The following CALB2 variants were observed in gnomAD, a reference collection of about 807,000 sequenced individuals.
The protein encoded by CALB2 is calretinin.
Under a neutral mutation model 45.9 loss-of-function variants are expected in CALB2, and 34 were observed. That is an observed-to-expected ratio of 0.74 (90% CI 0.56 to 0.99). The LOEUF is 0.99. Ranked by LOEUF, CALB2 falls within the 50% of genes least tolerant of loss-of-function variation. The pLI is 0.00. For missense variants in CALB2, 344 were observed against 339.3 expected, an observed-to-expected ratio of 1.01 and a Z score of -0.11; for synonymous variants, 142 against 129.6, an observed-to-expected ratio of 1.10 and a Z score of -0.65.
At chr16:71,385,061 G>C in intron 9 of CALB2, among the ~76,000 whole-genome samples, 1 of 152,144 alleles carries the variant, frequency 6.6e-6, no homozygotes, top group South Asian at 2.1e-4. Context: ...AGAATCGTTG[G>C]GGGAGGACTA....
chr16:71,369,947 TGTCCCTCACTCCCCTACTTTAGCCG>T (rs2042328716), intron 1 of CALB2, among the ~76,000 whole-genome samples: 2 of 152,192 alleles, frequency 1.3e-5, no homozygotes, highest in South Asian at 4.1e-4. Flanking sequence ...CCCATCTCCC[TGTCCCTCACTCCCCTACTTTAGCCG>T]GCCTCACAGG....
intron 3 of CALB2, among the ~76,000 whole-genome samples, chr16:71,375,628 C>T (rs974162122): frequency 3.3e-5 from 5 of 152,174 alleles, no homozygotes; most frequent in African/African-American, 1.2e-4. Flanking sequence ...TGGGATGCTG[C>T]CTTAGGTTGG....
chr16:71,366,343 TTGA>T lies in CALB2; in HGVS notation c.95-5809_95-5807del, dbSNP rs773300118. On this transcript the variant is annotated intron_variant, in intron 1 of 10. Coordinates refer to ENST00000302628, the MANE Select transcript of CALB2 (RefSeq NM_001740.5). Reference sequence around the variant, plus strand: ...CCTGGCCTTTTTTTTTTTTTTTTTTTTGAGAGAGAGAGAGTCTCGCCTTGTCAC... The same window carrying T: ...CCTGGCCTTTTTTTTTTTTTTTTTTTGAGAGAGAGAGTCTCGCCTTGTCAC... 3.0e-3 allele frequency among the ~76,000 whole-genome samples: 145 copies of T among 49,014 alleles called. 1 individual carries two copies. The highest frequency in any genetic ancestry group is 0.017 in the African/African-American group (139 of 8,364). 32.2% of individuals were successfully genotyped at this position (49,014 alleles called of 152,430 possible).
At chr16:71,379,445 G>C (rs954991170) in intron 4 of CALB2, among the ~76,000 whole-genome samples, 2 of 151,996 alleles carry the variant, frequency 1.3e-5, no homozygotes, top group Admixed American at 6.6e-5. Context: ...GATATTTAAC[G>C]ATTTTTTACT....
intron 10 of CALB2, among the ~76,000 whole-genome samples, chr16:71,388,275 A>C (rs2042592341): frequency 6.7e-6 from 1 of 149,514 alleles, no homozygotes; most frequent in South Asian, 2.1e-4. Flanking sequence ...TCAAGGGTGC[A>C]GTGAGCTGTG....
At chr16:71,366,823 T>G (rs764680840) in intron 1 of CALB2, among the ~76,000 whole-genome samples, 5 of 152,210 alleles carry the variant, frequency 3.3e-5, no homozygotes, top group African/African-American at 4.8e-5. Context: ...GCTCTCACCA[T>G]AACTCTGTAA....
At chr16:71,380,240 G>C (rs1250049813) in intron 4 of CALB2, among the ~76,000 whole-genome samples, 1 of 144,686 alleles carries the variant, frequency 6.9e-6, no homozygotes, top group East Asian at 2.1e-4. Flanking sequence ...GCTTCTCTCT[G>C]TGCAGCTGAC....
Position 71,358,799 on chromosome 16 carries a change from G to A in CALB2, c.7G>A (p.Gly3Ser), listed in dbSNP as rs1246339639. Residue 3 changes from glycine to serine, a missense_variant, in exon 1 of 11, where the codon GGC (glycine) becomes AGC (serine). By Grantham distance (56) the Gly-to-Ser change is moderately conservative (BLOSUM62 0). Around this residue, in one of 3 missense-constraint regions of CALB2, gnomAD observed 77 missense variants for 80.5 expected, o/e 0.96. Transcript: ENST00000302628. Reference sequence around the variant, plus strand: ...GGTCTCCGAGCGGCTCGCCATGGCTGGCCCGCAGCAGCAGCCCCCTTACCT... The same window carrying A: ...GGTCTCCGAGCGGCTCGCCATGGCTAGCCCGCAGCAGCAGCCCCCTTACCT... MA[G>S]PQQQPPYLHL... 2 of 1,605,718 alleles carry A rather than the reference G, an allele frequency of 1.2e-6. No individual in the cohort carries two copies. The highest frequency in any genetic ancestry group is 3.4e-5 in the Admixed American group (2 of 59,236).
At chr16:71,375,317 T>C (rs971486881) in intron 3 of CALB2, among the ~76,000 whole-genome samples, 19 of 152,200 alleles carry the variant, frequency 1.2e-4, no homozygotes, top group Non-Finnish European at 2.9e-5. Context: ...CATTCATATA[T>C]GCACACGTAT....
chr16:71,377,828 C>A, intron 4 of CALB2, 81 bp downstream of exon 4: 1 of 976,706 alleles, frequency 1.0e-6, no homozygotes, highest in Non-Finnish European at 1.6e-6. Flanking sequence ...ACCCTCCTGC[C>A]TGGTAATGGT....
chr16:71,361,621 C>T (rs1476004961), intron 1 of CALB2, among the ~76,000 whole-genome samples: 1 of 152,182 alleles, frequency 6.6e-6, no homozygotes, highest in African/African-American at 2.4e-5. Context: ...GCCACCTCCC[C>T]ACCCCTTCTG....
chr16:71,372,596 G>A (rs1414749291), intron 2 of CALB2, among the ~76,000 whole-genome samples: 5 of 152,186 alleles, frequency 3.3e-5, no homozygotes, highest in African/African-American at 1.2e-4. Flanking sequence ...TGCCCAGGAG[G>A]TTTCAAGTGC....
At chr16:71,380,019 G>T (rs536432548) in intron 4 of CALB2, among the ~76,000 whole-genome samples, 1 of 152,002 alleles carries the variant, frequency 6.6e-6, no homozygotes, top group Non-Finnish European at 1.5e-5. Context: ...AACTTGTCAG[G>T]GTGTTGCTTT....
chr16:71,379,070 A>C (rs1196247868), intron 4 of CALB2, among the ~76,000 whole-genome samples: 1 of 152,102 alleles, frequency 6.6e-6, no homozygotes, highest in Non-Finnish European at 1.5e-5. Context: ...TGAGATCAGG[A>C]GTTTGAGGCC....
At chr16:71,359,905 C>G (rs2042221145) in intron 1 of CALB2, among the ~76,000 whole-genome samples, 1 of 152,252 alleles carries the variant, frequency 6.6e-6, no homozygotes, top group South Asian at 2.1e-4. Flanking sequence ...CCTCGGGTAG[C>G]TAATGGCTCC....
chr16:71,386,569 C>A (rs1598177680), intron 10 of CALB2, among the ~76,000 whole-genome samples: 1 of 152,320 alleles, frequency 6.6e-6, no homozygotes, highest in Middle Eastern at 3.4e-3. Flanking sequence ...CCCATGGGCT[C>A]AGTTTGGTGC....
intron 1 of CALB2, among the ~76,000 whole-genome samples, chr16:71,364,031 CT>C (rs2042258347): frequency 6.6e-6 from 1 of 152,182 alleles, no homozygotes; most frequent in African/African-American, 2.4e-5. Flanking sequence ...TCCCCCACCC[CT>C]GCCTCTGCTC....
At chr16:71,389,660 G>T (rs555244227) in intron 10 of CALB2, 89 bp from the exon 11 acceptor site, 8 of 865,952 alleles carry the variant, frequency 9.2e-6, no homozygotes, top group Non-Finnish European at 1.4e-5. Context: ...AGAAAGGTGT[G>T]GGTGTTTGTG....
intron 1 of CALB2, among the ~76,000 whole-genome samples, chr16:71,362,274 C>T (rs1216283385): frequency 6.6e-6 from 1 of 152,184 alleles, no homozygotes; most frequent in Non-Finnish European, 1.5e-5. Context: ...ATTTTACTGA[C>T]CATCTGCGAG....
Sources: gnomAD v4.1 joint callset for allele counts (sites outside exome capture counted in the v4.1 genomes callset) on GRCh38, gnomAD v4.1.1 for gene constraint, gnomAD v4.1.1 regional missense constraint, MANE v1.5 for transcripts, NCBI Gene and HGNC (gene_info 2026-07-23, HGNC 2026-07-21) for gene names.